The following SLC37A3 variants were observed in gnomAD, a reference collection of about 807,000 sequenced individuals.
The protein encoded by SLC37A3 is sugar phosphate exchanger 3.
SLC37A3 carries 51 observed loss-of-function variants against 67.1 expected under a neutral mutation model. The observed-to-expected ratio is 0.76, with a 90% CI of 0.61 to 0.96. The LOEUF (loss-of-function observed/expected upper bound fraction) is 0.96. SLC37A3 is among the 40% of genes least tolerant of loss of function. The pLI is 0.00. For synonymous variants in SLC37A3, 214 were observed against 231.4 expected, an observed-to-expected ratio of 0.92 and a Z score of 0.68; for missense variants, 508 against 603.0, an observed-to-expected ratio of 0.84 and a Z score of 1.65.
intron 7 of SLC37A3, among the ~76,000 whole-genome samples, chr7:140,352,394 T>TA (rs1796851482): frequency 6.6e-6 from 1 of 152,206 alleles, no homozygotes; most frequent in African/African-American, 2.4e-5. Flanking sequence ...CCCTGGATAC[T>TA]AAGTGGTACT....
intron 6 of SLC37A3, among the ~76,000 whole-genome samples, chr7:140,358,423 T>C (rs1461080923): frequency 6.6e-6 from 1 of 151,558 alleles, no homozygotes; most frequent in African/African-American, 2.4e-5. Context: ...GCCCAAAGAG[T>C]GGTAGGAGTG....
intron 3 of SLC37A3, among the ~76,000 whole-genome samples, chr7:140,375,164 CAA>C (rs1262636539): frequency 1.1e-5 from 1 of 87,812 alleles, no homozygotes; most frequent in Non-Finnish European, 2.6e-5. Context: ...AAAAAAAAAA[CAA>C]AAAACAACAA....
chr7:140,351,458 T>G lies in SLC37A3; in HGVS notation c.704-7A>C. On this transcript the variant is annotated splice_polypyrimidine_tract_variant and splice_region_variant and intron_variant, in intron 8 of 14. Transcript: ENST00000326232. ...GCCTCAATACCCGAGAGACCTAAAA[T>G]AACAGCGACAGCCACTGTTTATGGA... The G allele has an allele frequency of 6.2e-7, 1 of 1,612,372 alleles. No homozygotes were observed. Among genetic ancestry groups the G allele is most frequent in the Non-Finnish European group, 8.5e-7 (1 of 1,178,868 alleles).
chr7:140,377,273 C>T (rs892023955), intron 3 of SLC37A3, among the ~76,000 whole-genome samples: 1 of 151,266 alleles, frequency 6.6e-6, no homozygotes, highest in Non-Finnish European at 1.5e-5. Flanking sequence ...CTATGTTGCC[C>T]AGACTAGTCT....
rs570456793 is a variant in SLC37A3 at position 140,372,886 on chromosome 7, G to C, written c.199-3204C>G. 3.3e-5 allele frequency among the ~76,000 whole-genome samples: 5 copies of C among 151,554 alleles called. No individual in the cohort carries two copies. The East Asian group carries it at 9.7e-4, about 29-fold the overall frequency. On this transcript the variant is annotated intron_variant, in intron 3 of 14. Coordinates refer to ENST00000326232, the MANE Select transcript of SLC37A3 (RefSeq NM_207113.3). ...TCAAAAAAAAAAAAGCCAGTGTCAC[G>C]TAAGACTGTCCTTCATGAAGCAGTA... is the stretch of plus-strand genomic sequence containing the variant.
intron 13 of SLC37A3, among the ~76,000 whole-genome samples, chr7:140,338,137 A>G (rs1796216748): frequency 6.6e-6 from 1 of 152,056 alleles, no homozygotes; most frequent in Non-Finnish European, 1.5e-5. Context: ...TGATCCGTCC[A>G]CCTCGGCCTC....
intron 4 of SLC37A3, 33 bp from the exon 5 acceptor site, chr7:140,364,524 A>C (rs770264006): frequency 6.3e-7 from 1 of 1,593,124 alleles, no homozygotes; most frequent in Admixed American, 1.7e-5. Flanking sequence ...TACAGCTCTA[A>C]ATAATAACAC....
chr7:140,343,787 C>T, intron 12 of SLC37A3: 1 of 494,738 alleles, frequency 2.0e-6, no homozygotes, highest in Non-Finnish European at 3.6e-6. Flanking sequence ...TTGTAGAACC[C>T]AAAGATACAA....
Position 140,369,637 on chromosome 7 carries a change from G to C in SLC37A3, c.244C>G (p.Leu82Val), listed in dbSNP as rs780457524. 11 of 1,614,082 alleles carry C rather than the reference G, an allele frequency of 6.8e-6. No homozygotes were observed. The Admixed American group carries it at 1.2e-4, about 17-fold the overall frequency. Reference sequence around the variant, plus strand: ...ATGGTATCCAGTGTGCCGAGGAAAAGAGTCGCTTTCTCTGCACTGGGGAAC... The same window carrying C: ...ATGGTATCCAGTGTGCCGAGGAAAACAGTCGCTTTCTCTGCACTGGGGAAC... ...HLFPSAEKAT[L>V]FLGTLDTIFL... The change falls in exon 4 of 15, where the codon CTT (leucine) becomes GTT (valine). Residue 82 changes from leucine (L) to valine (V), a missense_variant. Transcript: ENST00000326232.
At chr7:140,343,352 C>T (rs1796431977) in intron 13 of SLC37A3, 60 bp downstream of exon 13, 1 of 1,609,128 alleles carries the variant, frequency 6.2e-7, no homozygotes, top group African/African-American at 1.3e-5. Context: ...AGGGCAGGTT[C>T]ACATTCAGCC....
intron 4 of SLC37A3, among the ~76,000 whole-genome samples, chr7:140,366,854 G>T (rs2117186711): frequency 6.6e-6 from 1 of 152,262 alleles, no homozygotes; most frequent in Admixed American, 6.5e-5. Flanking sequence ...AACCAAATAG[G>T]CTGGGCGCAG....
intron 13 of SLC37A3, among the ~76,000 whole-genome samples, chr7:140,339,727 G>A (rs1796281403): frequency 6.6e-6 from 1 of 151,182 alleles, no homozygotes; most frequent in African/African-American, 2.4e-5. Context: ...GCCAGCACCA[G>A]TCACCTTTCC....
chr7:140,347,770 A>C (rs1796623544), intron 10 of SLC37A3, among the ~76,000 whole-genome samples: 1 of 151,938 alleles, frequency 6.6e-6, no homozygotes, highest in South Asian at 2.1e-4. Context: ...AAAAAAAAAA[A>C]AACCACTATT....
chr7:140,336,759 T>C (rs1022285442), intron 14 of SLC37A3, among the ~76,000 whole-genome samples: 2 of 152,156 alleles, frequency 1.3e-5, no homozygotes, highest in African/African-American at 2.4e-5. Context: ...CAATATTCAT[T>C]AGACTCAGGT....
At chr7:140,394,525 G>A (rs1798842535) in intron 1 of SLC37A3, among the ~76,000 whole-genome samples, 1 of 151,306 alleles carries the variant, frequency 6.6e-6, no homozygotes, top group Non-Finnish European at 1.5e-5. Context: ...GGGAGGCTGA[G>A]GTGGGAGGAT....
chr7:140,363,263 T>G, intron 5 of SLC37A3, among the ~76,000 whole-genome samples: 1 of 87,428 alleles, frequency 1.1e-5, no homozygotes, highest in African/African-American at 4.3e-5. Context: ...GCGGGAAGGG[T>G]GGGGAAAAAA....
chr7:140,346,432 A>G (rs1466580000), intron 10 of SLC37A3, among the ~76,000 whole-genome samples: 2 of 152,140 alleles, frequency 1.3e-5, no homozygotes, highest in African/African-American at 4.8e-5. Flanking sequence ...ACTTCCTTTT[A>G]GGAATAAACT....
At chr7:140,387,765 T>TATATTATATATAAATATAA in intron 1 of SLC37A3, among the ~76,000 whole-genome samples, 1 of 68,290 alleles carries the variant, frequency 1.5e-5, no homozygotes, top group South Asian at 4.2e-4. Context: ...AAATATATTA[T>TATATTATATATAAATATAA]ATATATTATA....
intron 13 of SLC37A3, among the ~76,000 whole-genome samples, chr7:140,340,022 G>A (rs1279492099): frequency 6.6e-6 from 1 of 152,200 alleles, no homozygotes; most frequent in African/African-American, 2.4e-5. Context: ...ACAGGCTTAA[G>A]CCACCGCGCC....
Sources: gnomAD v4.1 joint callset for allele counts (sites outside exome capture counted in the v4.1 genomes callset) on GRCh38, gnomAD v4.1.1 for gene constraint, MANE v1.5 for transcripts, NCBI Gene and HGNC (gene_info 2026-07-23, HGNC 2026-07-21) for gene names.